Variants in PDE2A observed in about 807,000 individuals in gnomAD.
PDE2A encodes the protein phosphodiesterase 2A.
Under a neutral mutation model 133.6 loss-of-function variants are expected in PDE2A, and 53 were observed. The observed-to-expected ratio is 0.40, with a 90% CI of 0.32 to 0.50. PDE2A has a LOEUF of 0.50. Among genes scored for constraint, PDE2A ranks in the 20% least tolerant of loss-of-function variants. PDE2A has a pLI of 0.73. For missense variants in PDE2A, 796 were observed against 1,232.4 expected, an observed-to-expected ratio of 0.65 and a Z score of 5.30; for synonymous variants, 491 against 490.2, an observed-to-expected ratio of 1.00 and a Z score of -0.02.
intron 20 of PDE2A, 87 bp downstream of exon 20, chr11:72,583,351 C>G (rs1355601889): frequency 2.1e-6 from 2 of 941,040 alleles, no homozygotes; most frequent in Non-Finnish European, 3.5e-6. Flanking sequence ...TCCTCTCATC[C>G]TCAGTAGAGA....
At chr11:72,662,793 C>G (rs1161050246) in intron 1 of PDE2A, among the ~76,000 whole-genome samples, 1 of 152,184 alleles carries the variant, frequency 6.6e-6, no homozygotes, top group East Asian at 1.9e-4. Context: ...TCACCTGGGT[C>G]TAGCCCCCCT....
chr11:72,633,533 G>A (rs1858526192), intron 2 of PDE2A, among the ~76,000 whole-genome samples: 2 of 152,216 alleles, frequency 1.3e-5, no homozygotes, highest in South Asian at 4.1e-4. Flanking sequence ...CTGACAGGAA[G>A]AGGAGGACAC....
At chr11:72,588,216 G>C (rs906805255) in intron 13 of PDE2A, among the ~76,000 whole-genome samples, 2 of 152,112 alleles carry the variant, frequency 1.3e-5, no homozygotes, top group East Asian at 3.8e-4. Flanking sequence ...AGTTGGTGTA[G>C]GATATGAAAT....
At chr11:72,654,941 G>A (rs1297106116) in intron 1 of PDE2A, among the ~76,000 whole-genome samples, 1 of 151,198 alleles carries the variant, frequency 6.6e-6, no homozygotes, top group Admixed American at 6.6e-5. Context: ...CCCGAGACCT[G>A]CCTCTAGGGC....
chr11:72,613,554 T>C (rs934571674), intron 2 of PDE2A, among the ~76,000 whole-genome samples: 1 of 151,812 alleles, frequency 6.6e-6, no homozygotes, highest in African/African-American at 2.4e-5. Context: ...CTCCTGTTCC[T>C]CTCCAGGAGT....
chr11:72,653,857 G>A (rs1170537556), intron 1 of PDE2A, among the ~76,000 whole-genome samples: 2 of 152,220 alleles, frequency 1.3e-5, no homozygotes, highest in Non-Finnish European at 2.9e-5. Context: ...GAGGTCAGAG[G>A]TCACATGTGT....
intron 2 of PDE2A, among the ~76,000 whole-genome samples, chr11:72,639,413 C>T (rs2135432510): frequency 6.6e-6 from 1 of 152,334 alleles, no homozygotes; most frequent in South Asian, 2.1e-4. Flanking sequence ...CTCAGCCCCG[C>T]TGACATGAGC....
chr11:72,577,687 C>A, intron 30 of PDE2A, 93 bp from the exon 31 acceptor site: 1 of 892,696 alleles, frequency 1.1e-6, no homozygotes, highest in South Asian at 1.4e-5. Context: ...AGAACTTCCA[C>A]AAGGGCCAGG....
At chr11:72,581,269 TA>T in intron 23 of PDE2A, 87 bp downstream of exon 23, 1 of 1,377,794 alleles carries the variant, frequency 7.3e-7, no homozygotes, top group Non-Finnish European at 1.0e-6. Context: ...GCAGTGCGTG[TA>T]AAGTGCCTGA....
chr11:72,657,871 A>C (rs746793692), intron 1 of PDE2A: 2 of 456,048 alleles, frequency 4.4e-6, no homozygotes, highest in South Asian at 3.1e-5. Flanking sequence ...GCTTGGTCCA[A>C]CTGCAGAGGC....
In PDE2A at chr11:72,577,355, C is replaced by G; in HGVS notation, c.*29G>C. The G allele has an allele frequency of 6.4e-7, 1 of 1,567,290 alleles. No individual in the cohort carries two copies. The highest frequency in any genetic ancestry group is 1.3e-5 in the African/African-American group (1 of 74,274). ...ACCAGTGGAGGGCTGTGGGAGGTGG[C>G]CTGGGCAGGGAAGTGTCCCTGGAGG... On this transcript the variant is annotated 3_prime_UTR_variant, in exon 31 of 31. Transcript: ENST00000334456.
chr11:72,620,643 T>C (rs1857712846), intron 2 of PDE2A, among the ~76,000 whole-genome samples: 1 of 152,094 alleles, frequency 6.6e-6, no homozygotes, highest in South Asian at 2.1e-4. Context: ...GGGTATGGAC[T>C]CCTATCCACC....
intron 4 of PDE2A, among the ~76,000 whole-genome samples, chr11:72,600,505 T>C (rs1449827968): frequency 6.6e-6 from 1 of 151,884 alleles, no homozygotes; most frequent in African/African-American, 2.4e-5. Context: ...GCCCCTTTCC[T>C]CTGCCATAGC....
rs192130055 is a variant in PDE2A, at chr11:72,673,591, A to C, written c.71+546T>G. On this transcript the variant is annotated intron_variant, in intron 1 of 30. Transcript: ENST00000334456. The stretch of plus-strand genomic sequence containing the variant: ...AGACGCTTTGGGGTAAAGTTTCATA[A>C]AGTGGTGTCCCTGAACCCCAATTCC... Among the ~76,000 whole-genome samples, 138 of 152,128 alleles carry C rather than the reference A, an allele frequency of 9.1e-4. 3 individuals carry two copies. Among genetic ancestry groups the C allele is most frequent in the Admixed American group, 8.8e-3 (135 of 15,290 alleles).
chr11:72,579,216 C>T, intron 27 of PDE2A, 68 bp downstream of exon 27: 3 of 1,249,414 alleles, frequency 2.4e-6, no homozygotes, highest in South Asian at 2.4e-5. Context: ...CCTGGGAATG[C>T]TCCCCTGGCA....
chr11:72,589,044 G>C, intron 12 of PDE2A, 130 bp from the exon 13 acceptor site: 1 of 1,230,854 alleles, frequency 8.1e-7, no homozygotes, highest in Non-Finnish European at 1.2e-6. Flanking sequence ...GTGTCATGGA[G>C]ATGGGACAGT....
At chr11:72,589,061 T>TC (rs1159140821) in intron 12 of PDE2A, 114 bp downstream of exon 12, 1 of 1,224,502 alleles carries the variant, frequency 8.2e-7, no homozygotes, top group African/African-American at 1.5e-5. Context: ...CAGTAGAAAG[T>TC]CCCCAGGTCT....
chr11:72,599,557 A>G (rs1856644966), intron 4 of PDE2A, among the ~76,000 whole-genome samples: 1 of 151,936 alleles, frequency 6.6e-6, no homozygotes, highest in South Asian at 2.1e-4. Context: ...TCTGCTCTCT[A>G]TGCCCAAGCC....
At chr11:72,667,461 C>T (rs965231410) in intron 1 of PDE2A, among the ~76,000 whole-genome samples, 1 of 152,182 alleles carries the variant, frequency 6.6e-6, no homozygotes, top group Admixed American at 6.5e-5. Flanking sequence ...GCCTTCATTC[C>T]TCCCAGTGCC....
Sources: gnomAD v4.1 joint callset for allele counts (sites outside exome capture counted in the v4.1 genomes callset) on GRCh38, gnomAD v4.1.1 for gene constraint, MANE v1.5 for transcripts, NCBI Gene and HGNC (gene_info 2026-07-23, HGNC 2026-07-21) for gene names.